The following SLC22A17 variants were observed in gnomAD, a reference collection of about 807,000 sequenced individuals.
SLC22A17 encodes the protein 24p3 receptor.
Under a neutral mutation model 53.6 loss-of-function variants are expected in SLC22A17, and 38 were observed. The observed-to-expected ratio is 0.71, with a 90% CI of 0.55 to 0.93. The LOEUF (loss-of-function observed/expected upper bound fraction) is 0.93. Among genes scored for constraint, SLC22A17 ranks in the 40% least tolerant of loss-of-function variants. The pLI, the probability that SLC22A17 is intolerant of heterozygous loss-of-function variation, is 0.00. For missense variants in SLC22A17, 704 were observed against 791.0 expected, an observed-to-expected ratio of 0.89 and a Z score of 1.32; for synonymous variants, 379 against 353.0, an observed-to-expected ratio of 1.07 and a Z score of -0.82.
Position 23,351,759 on chromosome 14 carries a change from CG to C in SLC22A17, c.696del (p.Ala233GlnfsTer12). The C allele has an allele frequency of 1.9e-6, 3 of 1,612,504 alleles. No homozygotes were observed. Among genetic ancestry groups the C allele is most frequent in the Non-Finnish European group, 2.5e-6 (3 of 1,179,398 alleles). On this transcript the variant is annotated frameshift_variant, in exon 3 of 10. Coordinates refer to ENST00000397267, the Ensembl canonical transcript of SLC22A17. LOFTEE classifies it high-confidence loss of function. Reference sequence around the variant, plus strand: ...CCCCACGACAGCCCTCACCTGTCTGCGGGGTAACCCAGGAACAGGTAGCCGG... The same window carrying C: ...CCCCACGACAGCCCTCACCTGTCTGCGGGTAACCCAGGAACAGGTAGCCGG...
At chr14:23,346,859 C>T (rs1480793022) in exon 10 of SLC22A17, 21 of 1,539,412 alleles carry the variant, frequency 1.4e-5, no homozygotes, top group Non-Finnish European at 1.8e-5. Flanking sequence ...GGCTCCATGG[C>T]CCATGTGGAG....
Position 23,347,156 on chromosome 14 carries a change from C to G in SLC22A17, c.1606G>C (p.Ala536Pro). ...AGGAGGGTGCTGAGGATGGCGGCAG[C>G]TTGGGAGGAGAAGAGCCCAAGGACA... The change falls in exon 9 of 10, where the codon GCT becomes CCT. Residue 536 changes from alanine (A) to proline (P), a missense_variant. This residue lies in a region of SLC22A17 where 196 missense variants were observed against 171.5 expected (regional missense o/e 1.14). Transcript: ENST00000397267. This position sits in a 1 kb window ranked among gnomAD's most constrained non-coding sequence, Gnocchi z 5.1. 1 of 1,613,974 alleles carries G rather than the reference C, an allele frequency of 6.2e-7. No homozygotes were observed.
chr14:23,348,758 G>A lies in SLC22A17; in HGVS notation c.860-87C>T. On this transcript the variant is annotated intron_variant, in intron 4 of 9. Coordinates refer to ENST00000397267, the Ensembl canonical transcript of SLC22A17. The surrounding 1 kb of genome is among the most constrained non-coding windows in gnomAD (Gnocchi z 4.5). Reference sequence around the variant, plus strand: ...AGAAGAAGAAAGAGGGAGGGAGGAGGACAGAGAGAGAGGTCAGACCCAGAG... The same window carrying A: ...AGAAGAAGAAAGAGGGAGGGAGGAGAACAGAGAGAGAGGTCAGACCCAGAG... 7.5e-7 allele frequency: 1 copy of A among 1,337,876 alleles called. No individual in the cohort carries two copies. Among genetic ancestry groups the A allele is most frequent in the Middle Eastern group, 2.7e-4 (1 of 3,750 alleles). The allele number at this position is 1,337,876 out of a possible 1,614,324, so 82.9% of individuals were successfully genotyped here. A position where few individuals can be genotyped will look rare whatever the true frequency, so the allele number is the denominator to read the frequency against.
Position 23,347,079 on chromosome 14 carries a change from C to T in SLC22A17, c.1661+22G>A. 3 of 1,601,226 alleles carry T rather than the reference C, an allele frequency of 1.9e-6. No homozygotes were observed. The highest frequency in any genetic ancestry group is 1.1e-5 in the South Asian group (1 of 89,566). ...GAGGCGAGGGGGCCCGGCTCTGCCC[C>T]TGGGGGCACCCCTGCTCTCACCGGA... On this transcript the variant is annotated intron_variant, in intron 9 of 9. Coordinates refer to ENST00000397267, the Ensembl canonical transcript of SLC22A17. This position sits in a 1 kb window ranked among gnomAD's most constrained non-coding sequence, Gnocchi z 5.1.
rs771315337 is a variant in SLC22A17 at position 23,352,046 on chromosome 14, G to A, written c.502C>T (p.Pro168Ser). ...GGCGGGGCGAAGCCGCTGCACGAGG[G>A]GTCGGTACTGGTGGCGACACGGCTG... Residue 168 changes from proline to serine, a missense_variant, in exon 2 of 10, where the codon CCC becomes TCC. Around this residue, in one of 4 missense-constraint regions of SLC22A17, gnomAD observed 435 missense variants for 529.0 expected, o/e 0.82. Coordinates refer to ENST00000397267, the Ensembl canonical transcript of SLC22A17. The surrounding 1 kb of genome is among the most constrained non-coding windows in gnomAD (Gnocchi z 7.2). 6.2e-7 allele frequency: 1 copy of A among 1,607,172 alleles called. No individual in the cohort carries two copies. Among genetic ancestry groups the A allele is most frequent in the Admixed American group, 1.7e-5 (1 of 58,616 alleles).
rs981962443 is a variant in SLC22A17 at position 23,352,622 on chromosome 14, G to A, written c.96+24C>T. On this transcript the variant is annotated intron_variant, in intron 1 of 9. Coordinates refer to ENST00000397267, the Ensembl canonical transcript of SLC22A17. The surrounding 1 kb of genome is among the most constrained non-coding windows in gnomAD (Gnocchi z 7.2). ...GGGGGTGCTGGGAGAGGATGGCGTC[G>A]CCACCTGGGGCTCGGGCACTTACTC... 7.3e-6 allele frequency: 3 copies of A among 411,410 alleles called. No individual in the cohort carries two copies. The highest frequency in any genetic ancestry group is 1.1e-4 in the South Asian group (1 of 9,048). The allele number at this position is 411,410 out of a possible 1,614,324, so 25.5% of individuals were successfully genotyped here.
Position 23,347,888 on chromosome 14 carries a change from C to T in SLC22A17, c.1277+3G>A. 1 of 1,614,096 alleles carries T rather than the reference C, an allele frequency of 6.2e-7. No individual in the cohort carries two copies. Among genetic ancestry groups the T allele is most frequent in the South Asian group, 1.1e-5 (1 of 91,076 alleles). On this transcript the variant is annotated splice_donor_region_variant and intron_variant, in intron 7 of 9. Transcript: ENST00000397267. The surrounding 1 kb of genome is among the most constrained non-coding windows in gnomAD (Gnocchi z 5.1). Reference sequence around the variant, plus strand: ...GGCCCTCAGCCCAGACACCCAGGCTCACTTGGTGAAGCCCAGGATAAGCAG... The same window carrying T: ...GGCCCTCAGCCCAGACACCCAGGCTTACTTGGTGAAGCCCAGGATAAGCAG...
Position 23,348,805 on chromosome 14 carries a change from C to G in SLC22A17, c.860-134G>C. 1.1e-6 allele frequency: 1 copy of G among 926,004 alleles called. No homozygotes were observed. The allele number at this position is 926,004 out of a possible 1,614,324, so 57.4% of individuals were successfully genotyped here. Reference sequence around the variant, plus strand: ...AGAGTGGAGGCTGCAGCCATTGCCTCCCTTGCTAACCTCTGGGTGGCAAGG... The same window carrying G: ...AGAGTGGAGGCTGCAGCCATTGCCTGCCTTGCTAACCTCTGGGTGGCAAGG... On this transcript the variant is annotated intron_variant, in intron 4 of 9. Transcript: ENST00000397267. The surrounding 1 kb of genome is among the most constrained non-coding windows in gnomAD (Gnocchi z 4.5).
Position 23,347,739 on chromosome 14 carries a change from AAGG to A in SLC22A17, c.1278-11_1278-9del. 6.2e-7 allele frequency: 1 copy of A among 1,612,954 alleles called. No individual in the cohort carries two copies. Among genetic ancestry groups the A allele is most frequent in the South Asian group, 1.1e-5 (1 of 91,048 alleles). ...ATGGCATGGGCAATGAAGCTGTGAG[AAGG>A]GGTGGGGAAGCAACGAACAGAGCCT... On this transcript the variant is annotated splice_polypyrimidine_tract_variant and intron_variant, in intron 7 of 9. Transcript: ENST00000397267. This position sits in a 1 kb window ranked among gnomAD's most constrained non-coding sequence, Gnocchi z 5.1.
Position 23,351,931 on chromosome 14 carries a change from C to A in SLC22A17, c.600+17G>T. The stretch of plus-strand genomic sequence containing the variant: ...CTCTGCCCGCCCCCAGACCCGCGGC[C>A]CGCCTGGCCGCCTCACCTGGCCGAT... On this transcript the variant is annotated intron_variant, in intron 2 of 9. Coordinates refer to ENST00000397267, the Ensembl canonical transcript of SLC22A17. 6.2e-7 allele frequency: 1 copy of A among 1,611,510 alleles called. No individual in the cohort carries two copies.
chr14:23,348,308 T>C lies in SLC22A17; in HGVS notation c.1026-2A>G, dbSNP rs1438271729. ...GACTCCAGGAACAAACCAGGCCAGC[T>C]GGGGGCAGGGGGGAAGGGGTATACT... On this transcript the variant is annotated splice_acceptor_variant, in intron 5 of 9. Transcript: ENST00000397267. LOFTEE classifies it high-confidence loss of function. The surrounding 1 kb of genome is among the most constrained non-coding windows in gnomAD (Gnocchi z 4.5). 2 of 1,613,756 alleles carry C rather than the reference T, an allele frequency of 1.2e-6. No homozygotes were observed. Among genetic ancestry groups the C allele is most frequent in the Non-Finnish European group, 1.7e-6 (2 of 1,179,888 alleles).
At chr14:23,349,470 G>T (rs749022686) in intron 3 of SLC22A17, 44 bp from the exon 4 acceptor site, 3 of 1,582,432 alleles carry the variant, frequency 1.9e-6, no homozygotes, top group Non-Finnish European at 1.7e-6. Flanking sequence ...CTCTCTGGTG[G>T]TGGGAAAGTT....
chr14:23,350,550 TG>T (rs962878684), intron 3 of SLC22A17, among the ~76,000 whole-genome samples: 8 of 152,102 alleles, frequency 5.3e-5, no homozygotes, highest in African/African-American at 1.9e-4. Context: ...TATTGATCTT[TG>T]GGGATAAGAC....
intron 2 of SLC22A17, 32 bp downstream of exon 2, chr14:23,351,916 C>G: frequency 6.2e-7 from 1 of 1,611,960 alleles, no homozygotes; most frequent in African/African-American, 1.3e-5. Flanking sequence ...CTCTGCCCGC[C>G]CCCAGACCCG....
chr14:23,352,023 CG>C lies in SLC22A17; in HGVS notation c.524del (p.Pro175ArgfsTer37). On this transcript the variant is annotated frameshift_variant, in exon 2 of 10. Transcript: ENST00000397267. LOFTEE classifies it high-confidence loss of function. The surrounding 1 kb of genome is among the most constrained non-coding windows in gnomAD (Gnocchi z 7.2). ...CCTTGAGGCAATGGTTGAAGTCCGG[CG>C]GGGCGAAGCCGCTGCACGAGGGGTC... The C allele has an allele frequency of 6.2e-7, 1 of 1,609,958 alleles. No homozygotes were observed. Among genetic ancestry groups the C allele is most frequent in the Non-Finnish European group, 8.5e-7 (1 of 1,178,242 alleles).
chr14:23,348,345 C>A lies in SLC22A17; in HGVS notation c.1026-39G>T. 1.9e-6 allele frequency: 3 copies of A among 1,610,790 alleles called. No homozygotes were observed. Among genetic ancestry groups the A allele is most frequent in the Non-Finnish European group, 2.5e-6 (3 of 1,177,790 alleles). The stretch of plus-strand genomic sequence containing the variant: ...GGAAGGGGTATACTGTGAGGCCTCC[C>A]TTCTCCTGATCTAGGGGTGGGAAAT... On this transcript the variant is annotated intron_variant, in intron 5 of 9. Coordinates refer to ENST00000397267, the Ensembl canonical transcript of SLC22A17. The surrounding 1 kb of genome is among the most constrained non-coding windows in gnomAD (Gnocchi z 4.5).
Position 23,352,048 on chromosome 14 carries a change from T to A in SLC22A17, c.500A>T (p.Asp167Val). 1 of 1,606,952 alleles carries A rather than the reference T, an allele frequency of 6.2e-7. No homozygotes were observed. Among genetic ancestry groups the A allele is most frequent in the South Asian group, 1.1e-5 (1 of 89,968 alleles). Residue 167 changes from aspartate to valine, a missense_variant, in exon 2 of 10, where the codon GAC becomes GTC. By Grantham distance (152) the Asp-to-Val change is radical (BLOSUM62 -3). Transcript: ENST00000397267. This position sits in a 1 kb window ranked among gnomAD's most constrained non-coding sequence, Gnocchi z 7.2. ...CGGGGCGAAGCCGCTGCACGAGGGG[T>A]CGGTACTGGTGGCGACACGGCTGGC...
rs372199958 is a variant in SLC22A17, at chr14:23,347,247, G to A, written c.1550-35C>T. 1.9e-6 allele frequency: 3 copies of A among 1,583,604 alleles called. No individual in the cohort carries two copies. In the African/African-American group the frequency reaches 4.0e-5, roughly 21 times the overall value. On this transcript the variant is annotated intron_variant, in intron 8 of 9. Transcript: ENST00000397267. The surrounding 1 kb of genome is among the most constrained non-coding windows in gnomAD (Gnocchi z 5.1). ...CAAGAGGGATGATATGAATGCAGGT[G>A]GGGAGGTCAAGGCTGGCCTAGTCCC...
chr14:23,352,762 T>A lies in SLC22A17; in HGVS notation c.-21A>T. 1 of 398,842 alleles carries A rather than the reference T, an allele frequency of 2.5e-6. No individual in the cohort carries two copies. The highest frequency in any genetic ancestry group is 4.4e-6 in the Non-Finnish European group (1 of 225,970). 24.7% of individuals were successfully genotyped at this position (398,842 alleles called of 1,614,324 possible). A position where few individuals can be genotyped will look rare whatever the true frequency, so the allele number is the denominator to read the frequency against. ...GCCAGCTTGCCGACCGCAGGGGCCC[T>A]GCCGGCCCGCGCCGAAAGGATGCGC... On this transcript the variant is annotated 5_prime_UTR_variant, in exon 1 of 10. Coordinates refer to ENST00000397267, the Ensembl canonical transcript of SLC22A17. The surrounding 1 kb of genome is among the most constrained non-coding windows in gnomAD (Gnocchi z 7.2).
Sources: allele counts gnomAD v4.1 joint callset (sites outside exome capture counted in the v4.1 genomes callset), GRCh38; gene constraint gnomAD v4.1.1; regional missense constraint gnomAD v4.1.1; non-coding constraint Gnocchi (gnomAD v3.1); transcripts MANE v1.5; gene names NCBI Gene and HGNC (gene_info 2026-07-23, HGNC 2026-07-21).